SPMIP1: variants seen among roughly 807,000 people sequenced by gnomAD.
SPMIP1 encodes the protein sperm microtubule inner protein 1, also known as protein SPMIP1.
chr7:128,868,754 T>G, the SPMIP1 span: 1 of 1,535,236 alleles, frequency 6.5e-7, no homozygotes, highest in Non-Finnish European at 8.7e-7. Context: ...CACTGCTTGA[T>G]CCCCGAGACC....
At chr7:128,866,579 AC>A in the SPMIP1 span, 2 of 1,532,014 alleles carry the variant, frequency 1.3e-6, no homozygotes, top group Non-Finnish European at 1.7e-6. Context: ...CCCACCCTGC[AC>A]CCCAAAGCCC....
At chr7:128,866,977 C>T in the SPMIP1 span, 102 of 837,280 alleles carry the variant, frequency 1.2e-4, 1 homozygote, top group South Asian at 1.6e-3. Flanking sequence ...TAGGGAGTGG[C>T]GGTGGGCAGG....
At chr7:128,869,298 G>C in the SPMIP1 span, 4 of 165,550 alleles carry the variant, frequency 2.4e-5, no homozygotes, top group Non-Finnish European at 3.9e-5. Flanking sequence ...AGTGGGGCGG[G>C]CGGGGCAGCA....
chr7:128,866,692 A>G, the SPMIP1 span: 118 of 1,533,506 alleles, frequency 7.7e-5, no homozygotes, highest in African/African-American at 1.6e-3. Flanking sequence ...ACCACCTATC[A>G]CCCGAGCCCT....
At chr7:128,866,607 C>CCCCCCCCAATCA in the SPMIP1 span, 3 of 1,533,308 alleles carry the variant, frequency 2.0e-6, no homozygotes, top group Non-Finnish European at 1.7e-6. Context: ...CACCCCCACC[C>CCCCCCCCAATCA]GCCCCCAAGT....
the SPMIP1 span, chr7:128,869,937 G>A: frequency 5.3e-5 from 8 of 149,780 alleles, no homozygotes; most frequent in African/African-American, 2.0e-4. Flanking sequence ...GCCCCGAGGA[G>A]CCCCTGCTGC....
chr7:128,871,727 G>A, the SPMIP1 span: 3 of 152,134 alleles, frequency 2.0e-5, no homozygotes, highest in Non-Finnish European at 4.4e-5. Context: ...AACCAAATGG[G>A]TGCACTCTCT....
chr7:128,869,438 A>AG, the SPMIP1 span: 2 of 152,634 alleles, frequency 1.3e-5, no homozygotes, highest in African/African-American at 4.8e-5. Context: ...ACCGCCTTCT[A>AG]GGGGTCTTGC....
the SPMIP1 span, chr7:128,869,221 C>G: frequency 4.3e-6 from 1 of 233,664 alleles, no homozygotes; most frequent in Non-Finnish European, 8.2e-6. Flanking sequence ...TCCAGCTGCT[C>G]CCGCAGGGCG....
the SPMIP1 span, chr7:128,872,027 G>A: frequency 2.6e-5 from 4 of 152,202 alleles, no homozygotes; most frequent in Admixed American, 2.6e-4. Context: ...GGCTTTGCTA[G>A]ATCTATTATT....
At chr7:128,868,348 C>T in the SPMIP1 span, among the ~76,000 whole-genome samples, 2 of 152,300 alleles carry the variant, frequency 1.3e-5, no homozygotes, top group African/African-American at 2.4e-5. Context: ...GCCCTAGAAG[C>T]GGGGAGCAGG....
the SPMIP1 span, chr7:128,866,911 C>T: frequency 2.2e-6 from 3 of 1,355,266 alleles, no homozygotes; most frequent in Non-Finnish European, 3.0e-6. Flanking sequence ...GTGAAGGGTC[C>T]AGACTATAAA....
chr7:128,869,542 C>T, the SPMIP1 span: 15,472 of 152,272 alleles, frequency 0.1, 1,431 homozygotes, highest in East Asian at 0.32. Flanking sequence ...CCAGGACCTG[C>T]AGAGGCGGCA....
the SPMIP1 span, chr7:128,869,064 A>C: frequency 2.4e-6 from 1 of 409,168 alleles, no homozygotes; most frequent in African/African-American, 2.0e-5. Flanking sequence ...TAGTTCCAGG[A>C]AGTTCTGGGT....
At chr7:128,868,771 T>C in the SPMIP1 span, 1 of 1,531,454 alleles carries the variant, frequency 6.5e-7, no homozygotes, top group South Asian at 1.2e-5. Flanking sequence ...GACCTGGCCC[T>C]CTGACCGTGG....
the SPMIP1 span, chr7:128,868,887 C>A: frequency 1.5e-6 from 1 of 666,290 alleles, no homozygotes; most frequent in Non-Finnish European, 2.5e-6. Context: ...CCTGAGGTTG[C>A]ATTCAGGCCT....
At chr7:128,866,452 T>G in the SPMIP1 span, 1 of 1,535,696 alleles carries the variant, frequency 6.5e-7, no homozygotes, top group Non-Finnish European at 8.7e-7. Context: ...GCAGAACTTC[T>G]GGAAGGAGGA....
chr7:128,867,972 A>T, the SPMIP1 span, among the ~76,000 whole-genome samples: 1 of 152,162 alleles, frequency 6.6e-6, no homozygotes, highest in African/African-American at 2.4e-5. Context: ...AGGGGATGTC[A>T]TTGGCAGGAA....
the SPMIP1 span, among the ~76,000 whole-genome samples, chr7:128,868,501 A>G: frequency 6.6e-6 from 1 of 152,194 alleles, no homozygotes; most frequent in Non-Finnish European, 1.5e-5. Context: ...GCCAGCTCCC[A>G]GTATTTGCCC....
Sources: allele counts gnomAD v4.1 joint callset (sites outside exome capture counted in the v4.1 genomes callset), GRCh38; gene constraint gnomAD v4.1.1; transcripts MANE v1.5; gene names NCBI Gene and HGNC (gene_info 2026-07-23, HGNC 2026-07-21).